CSMD1: variants seen among roughly 807,000 people sequenced by gnomAD.
CSMD1 encodes the protein CUB and Sushi multiple domains 1.
Under a neutral mutation model 417.5 loss-of-function variants are expected in CSMD1, and 213 were observed. The ratio of observed to expected loss-of-function variants is 0.51; its 90% confidence interval spans 0.46 to 0.57. The LOEUF (loss-of-function observed/expected upper bound fraction) is 0.57. Among genes scored for constraint, CSMD1 ranks in the 20% least tolerant of loss-of-function variants. CSMD1 has a pLI of 0.00. For missense variants in CSMD1, 6,923 were observed against 4,529.7 expected, an observed-to-expected ratio of 1.53 and a Z score of -15.17; for synonymous variants, 2,862 against 1,736.8, an observed-to-expected ratio of 1.65 and a Z score of -16.11.
intron 3 of CSMD1, among the ~76,000 whole-genome samples, chr8:4,388,616 G>T (rs574143064): frequency 1.0e-3 from 157 of 152,192 alleles, no homozygotes; most frequent in Non-Finnish European, 2.1e-3. Context: ...TGCTCAGGTG[G>T]TGGGTGCACC....
At chr8:3,684,314 A>C (rs1799827298) in intron 7 of CSMD1, among the ~76,000 whole-genome samples, 1 of 145,354 alleles carries the variant, frequency 6.9e-6, no homozygotes, top group Admixed American at 7.1e-5. Flanking sequence ...ATTATATAAA[A>C]TATATAGCTA....
chr8:3,891,285 A>G (rs1806951460), intron 5 of CSMD1, among the ~76,000 whole-genome samples: 1 of 152,106 alleles, frequency 6.6e-6, no homozygotes, highest in South Asian at 2.1e-4. Context: ...TCCTTGCTCA[A>G]GTGATCTACC....
intron 5 of CSMD1, among the ~76,000 whole-genome samples, chr8:3,898,509 A>T (rs190596915): frequency 1.7e-3 from 265 of 152,352 alleles, no homozygotes; most frequent in Admixed American, 3.1e-3. Context: ...TCCAGAGAAT[A>T]CCTGAGAGTC....
chr8:4,119,915 G>T (rs115841512), intron 3 of CSMD1, among the ~76,000 whole-genome samples: 149 of 151,544 alleles, frequency 9.8e-4, no homozygotes, highest in African/African-American at 3.2e-3. Flanking sequence ...AAGGGTAGTG[G>T]GAGGGTGAGA....
chr8:4,807,203 C>T (rs1400761134), intron 1 of CSMD1, among the ~76,000 whole-genome samples: 2 of 152,176 alleles, frequency 1.3e-5, no homozygotes, highest in African/African-American at 4.8e-5. Flanking sequence ...TCATTCCCAT[C>T]TGCCTGTCCA....
At chr8:4,390,695 A>G (rs1803791781) in intron 3 of CSMD1, among the ~76,000 whole-genome samples, 1 of 151,656 alleles carries the variant, frequency 6.6e-6, no homozygotes, top group Non-Finnish European at 1.5e-5. Context: ...TTGTATTTTC[A>G]GTAGAGACGG....
chr8:4,854,997 C>G (rs988958773), intron 1 of CSMD1, among the ~76,000 whole-genome samples: 1 of 152,206 alleles, frequency 6.6e-6, no homozygotes, highest in African/African-American at 2.4e-5. Flanking sequence ...GTAACCTCTG[C>G]AGACTTAAAT....
chr8:3,504,611 A>C (rs1166080804), intron 10 of CSMD1, among the ~76,000 whole-genome samples: 1 of 152,228 alleles, frequency 6.6e-6, no homozygotes, highest in African/African-American at 2.4e-5. Flanking sequence ...ATAACCAAGA[A>C]AAACTCATCT....
At chr8:4,068,065 G>C (rs1193621125) in intron 3 of CSMD1, among the ~76,000 whole-genome samples, 1 of 152,036 alleles carries the variant, frequency 6.6e-6, no homozygotes, top group Non-Finnish European at 1.5e-5. Flanking sequence ...TGGCGACAGA[G>C]GGAGACAACG....
In CSMD1 at chr8:3,017,183, C is replaced by T. The variant is rs544161716; in HGVS notation, c.8029+1294G>A. Among the ~76,000 whole-genome samples, 69 of 152,288 alleles carry T rather than the reference C, an allele frequency of 4.5e-4. No homozygotes were observed. In the Middle Eastern group the frequency reaches 0.014, roughly 30 times the overall value. On this transcript the variant is annotated intron_variant, in intron 52 of 69. Transcript: ENST00000635120. ...TAGAGATGTGGTACATACTGTCAGA[C>T]GTGAGTGTCTCGGACCACCTAGCTC...
chr8:3,468,166 G>A (rs577925317), intron 12 of CSMD1, among the ~76,000 whole-genome samples: 9 of 152,212 alleles, frequency 5.9e-5, no homozygotes, highest in African/African-American at 2.2e-4. Flanking sequence ...AATAATTAAT[G>A]GGATCTTTTT....
At chr8:4,271,623 G>C (rs1027199767) in intron 3 of CSMD1, among the ~76,000 whole-genome samples, 4 of 151,122 alleles carry the variant, frequency 2.6e-5, no homozygotes. Context: ...CTCTTTTGCA[G>C]CAGCTTTAAA....
chr8:4,683,688 T>C (rs1806187759), intron 1 of CSMD1, among the ~76,000 whole-genome samples: 1 of 152,218 alleles, frequency 6.6e-6, no homozygotes, highest in African/African-American at 2.4e-5. Context: ...GTGGCTCTGT[T>C]TCCTTGGGGT....
chr8:3,805,885 C>A (rs1800706849), intron 5 of CSMD1, among the ~76,000 whole-genome samples: 1 of 152,094 alleles, frequency 6.6e-6, no homozygotes, highest in Admixed American at 6.6e-5. Context: ...TATTCTGGGG[C>A]AAACCAAACA....
intron 33 of CSMD1, among the ~76,000 whole-genome samples, chr8:3,192,585 G>C (rs1796489764): frequency 1.3e-5 from 2 of 152,200 alleles, no homozygotes; most frequent in Non-Finnish European, 2.9e-5. Flanking sequence ...ATGTAGCCTG[G>C]AGAGAGGCAC....
At position 4,087,973 on chromosome 8, in the gene CSMD1, G is replaced by C. The variant is rs575151645; in HGVS notation, c.416-55874C>G. Among the ~76,000 whole-genome samples the C allele has an allele frequency of 9.2e-5, 14 of 152,166 alleles. No individual in the cohort carries two copies. The South Asian group carries it at 2.9e-3, about 32-fold the overall frequency. On this transcript the variant is annotated intron_variant, in intron 3 of 69. Transcript: ENST00000635120. ...AAGAACGGTGGTATCCAAGAGAAAA[G>C]CTCACTTGACCTCTGAAGAACGTCT...
intron 12 of CSMD1, among the ~76,000 whole-genome samples, chr8:3,443,545 T>C (rs1324725855): frequency 2.0e-5 from 3 of 152,146 alleles, no homozygotes; most frequent in African/African-American, 7.2e-5. Context: ...TTCTACAAAT[T>C]AGTATTTACA....
At chr8:4,874,636 C>A (rs902266894) in intron 1 of CSMD1, among the ~76,000 whole-genome samples, 1 of 151,668 alleles carries the variant, frequency 6.6e-6, no homozygotes, top group African/African-American at 2.4e-5. Flanking sequence ...GGTGATCTAC[C>A]CACCTTGGCC....
chr8:4,780,405 T>C (rs4875381), intron 1 of CSMD1, among the ~76,000 whole-genome samples: 14,335 of 151,916 alleles, frequency 0.094, 872 homozygotes, highest in East Asian at 0.33. Context: ...TCATTCTGAT[T>C]GATCAGTCGA....
Sources: allele counts gnomAD v4.1 joint callset (sites outside exome capture counted in the v4.1 genomes callset), GRCh38; gene constraint gnomAD v4.1.1; transcripts MANE v1.5; gene names NCBI Gene and HGNC (gene_info 2026-07-23, HGNC 2026-07-21).